COL6A2: variants seen among roughly 807,000 people sequenced by gnomAD.
COL6A2 encodes the protein collagen alpha-2(VI) chain.
Under a neutral mutation model 124.9 loss-of-function variants are expected in COL6A2, and 90 were observed. The ratio of observed to expected loss-of-function variants is 0.72; its 90% CI spans 0.61 to 0.86. COL6A2 has a LOEUF of 0.86. Ranked by LOEUF, COL6A2 falls within the 40% of genes least tolerant of loss-of-function variation. COL6A2 has a pLI of 0.00. For synonymous variants in COL6A2, 793 were observed against 618.2 expected, an observed-to-expected ratio of 1.28 and a Z score of -4.19; for missense variants, 1,607 against 1,502.5, an observed-to-expected ratio of 1.07 and a Z score of -1.15.
In COL6A2 at chr21:46,126,448, G is replaced by A. The variant is rs962739928; in HGVS notation, c.2423-55G>A. On this transcript the variant is annotated intron_variant, in intron 26 of 27. Transcript: ENST00000300527. ...CTAGGCAGATCAGTGAACGGCCGCTGAGGGTTCGCTAGGGACTGACCCTGG... is the reference window on the plus strand; with the variant it reads ...CTAGGCAGATCAGTGAACGGCCGCTAAGGGTTCGCTAGGGACTGACCCTGG... 46 of 1,605,890 alleles carry A rather than the reference G, an allele frequency of 2.9e-5. No homozygotes were observed. In the Admixed American group the frequency reaches 7.5e-4, roughly 26 times the overall value.
At chr21:46,113,291 A>G (rs1266908723) in intron 4 of COL6A2, among the ~76,000 whole-genome samples, 1 of 152,194 alleles carries the variant, frequency 6.6e-6, no homozygotes, top group Non-Finnish European at 1.5e-5. Context: ...ATCGCTGCTC[A>G]GTAACAGTGG....
At position 46,121,255 on chromosome 21, in the gene COL6A2, A is replaced by G. The variant is rs1422928066; in HGVS notation, c.1458+132A>G. 4.4e-6 allele frequency: 4 copies of G among 908,204 alleles called. No individual in the cohort carries two copies. In the African/African-American group the frequency reaches 4.9e-5, roughly 11 times the overall value. 56.3% of individuals were successfully genotyped at this position (908,204 alleles called of 1,614,324 possible). A position where few individuals can be genotyped will look rare whatever the true frequency, so the allele number is the denominator to read the frequency against. ...GCAGCAGAGCCTGGCCTCAGAAGCC[A>G]GGACCTGCTCCCCTAGACCCCGAGT... On this transcript the variant is annotated intron_variant, in intron 17 of 27. Coordinates refer to ENST00000300527, the MANE Select transcript of COL6A2 (RefSeq NM_001849.4).
At chr21:46,099,889 C>CTTTTTTTTTTTTTTTTTTTTT (rs869028897) in intron 1 of COL6A2, among the ~76,000 whole-genome samples, 1 of 91,840 alleles carries the variant, frequency 1.1e-5, no homozygotes, top group Non-Finnish European at 2.1e-5. Flanking sequence ...GCAGCACTGT[C>CTTTTTTTTTTTTTTTTTTTTT]TTTTTTTTTT....
intron 1 of COL6A2, among the ~76,000 whole-genome samples, chr21:46,102,942 G>T (rs1243373860): frequency 6.6e-6 from 1 of 152,172 alleles, no homozygotes; most frequent in African/African-American, 2.4e-5. Flanking sequence ...TCATAAGAAT[G>T]AGTTAAATAG....
intron 17 of COL6A2, 92 bp from the exon 18 acceptor site, chr21:46,121,456 TGTGGCCTG>T (rs2078564776): frequency 1.7e-6 from 2 of 1,153,784 alleles, no homozygotes; most frequent in Non-Finnish European, 1.3e-6. Context: ...GCTGCGGCCA[TGTGGCCTG>T]GTGGTCAGGG....
rs541786092 is a variant in COL6A2, at chr21:46,131,829, G to A, written c.2462-125G>A. 101 of 928,886 alleles carry A rather than the reference G, an allele frequency of 1.1e-4. 1 individual carries two copies. Among genetic ancestry groups the A allele is most frequent in the African/African-American group, 1.8e-4 (11 of 61,436 alleles). 57.5% of individuals were successfully genotyped at this position (928,886 alleles called of 1,614,324 possible). The stretch of plus-strand genomic sequence containing the variant: ...AGGGCTGCCCTGCAGAAACGCCCCC[G>A]CAGAGCCCAGTGGTCTGTGAGGTTG... On this transcript the variant is annotated intron_variant, in intron 27 of 27. Transcript: ENST00000300527.
At chr21:46,120,990 G>A (rs779236662) in intron 16 of COL6A2, 71 bp from the exon 17 acceptor site, 16 of 1,453,124 alleles carry the variant, frequency 1.1e-5, no homozygotes, top group Non-Finnish European at 1.4e-5. Context: ...AGTGTCCACA[G>A]GATTGATACT....
rs528238550 is a variant in COL6A2, at chr21:46,121,407, C to T, written c.1459-149C>T. The T allele has an allele frequency of 8.4e-5, 70 of 828,628 alleles. 2 individuals carry two copies. The South Asian group carries it at 1.0e-3, about 12-fold the overall frequency. 51.3% of individuals were successfully genotyped at this position (828,628 alleles called of 1,614,324 possible). A position where few individuals can be genotyped will look rare whatever the true frequency, so the allele number is the denominator to read the frequency against. On this transcript the variant is annotated intron_variant, in intron 17 of 27. Transcript: ENST00000300527. ...CAGGGAAAGGAGGAGCTGGGACCCT[C>T]AAGACAGAGGTCCACGGCCCCCACA...
rs1004464433 is a variant in COL6A2, at chr21:46,122,132, A to G, written c.1546A>G (p.Ser516Gly). 1 of 1,612,514 alleles carries G rather than the reference A, an allele frequency of 6.2e-7. No individual in the cohort carries two copies. Among genetic ancestry groups the G allele is most frequent in the Non-Finnish European group, 8.5e-7 (1 of 1,179,968 alleles). ...PKGDPGRPGFSYPGPRGAPGE... is the reference protein window; with the variant it reads ...PKGDPGRPGFGYPGPRGAPGE... ...GGGAGACCCCGGCAGGCCTGGATTC[A>G]GCTACCCAGGACCCCGAGGAGCACC... is the stretch of plus-strand genomic sequence containing the variant. The change falls in exon 19 of 28, where the codon AGC becomes GGC. Residue 516 changes from serine (S) to glycine (G), a missense_variant. Around this residue, in one of 3 missense-constraint regions of COL6A2, gnomAD observed 1,223 missense variants for 1,052.2 expected, o/e 1.16. Transcript: ENST00000300527.
chr21:46,124,996 AGGTCAGCTGGCAC>A (rs1242771751), intron 23 of COL6A2, 76 bp downstream of exon 23: 2 of 1,558,668 alleles, frequency 1.3e-6, no homozygotes, highest in East Asian at 2.2e-5. Flanking sequence ...GGGTGGGGGA[AGGTCAGCTGGCAC>A]GGTCAGAGAG....
chr21:46,100,723 G>A (rs1052519432), intron 1 of COL6A2, among the ~76,000 whole-genome samples: 66 of 152,268 alleles, frequency 4.3e-4, no homozygotes, highest in African/African-American at 1.5e-3. Context: ...TGTAACGTAT[G>A]TCAGCATTCC....
At chr21:46,115,963 C>T in intron 6 of COL6A2, 38 bp downstream of exon 6, 1 of 1,611,386 alleles carries the variant, frequency 6.2e-7, no homozygotes, top group East Asian at 2.2e-5. Flanking sequence ...CGCCTGCAGC[C>T]CAGCGCCCCA....
At chr21:46,117,810 C>A in intron 11 of COL6A2, 64 bp from the exon 12 acceptor site, 1 of 1,528,364 alleles carries the variant, frequency 6.5e-7, no homozygotes, top group Non-Finnish European at 8.9e-7. Context: ...AGCACTTGGG[C>A]CCTGGCTCAT....
chr21:46,116,583 C>A lies in COL6A2; in HGVS notation c.928-68C>A. The A allele has an allele frequency of 2.5e-6, 4 of 1,608,978 alleles. No individual in the cohort carries two copies. Among genetic ancestry groups the A allele is most frequent in the African/African-American group, 1.3e-5 (1 of 74,992 alleles). ...GAGTTTGGCCCAAGGGCTTTGCCCCCCAGAGGCAGCAGTGCCCATGATGCT... is the reference window on the plus strand; with the variant it reads ...GAGTTTGGCCCAAGGGCTTTGCCCCACAGAGGCAGCAGTGCCCATGATGCT... On this transcript the variant is annotated intron_variant, in intron 8 of 27. Coordinates refer to ENST00000300527, the MANE Select transcript of COL6A2 (RefSeq NM_001849.4). This position sits in a 1 kb window ranked among gnomAD's most constrained non-coding sequence, Gnocchi z 4.6.
intron 23 of COL6A2, 35 bp from the exon 24 acceptor site, chr21:46,125,231 C>A (rs776790964): frequency 6.2e-7 from 1 of 1,604,874 alleles, no homozygotes; most frequent in Non-Finnish European, 8.5e-7. Context: ...TCTGGGGCCC[C>A]GGGGGGACTA....
chr21:46,113,145 G>T (rs534657103), intron 4 of COL6A2, among the ~76,000 whole-genome samples: 6 of 152,250 alleles, frequency 3.9e-5, no homozygotes, highest in African/African-American at 1.4e-4. Context: ...GCAGGTCAGG[G>T]GAGAAGGAAC....
chr21:46,105,923 A>G (rs553932459), intron 1 of COL6A2, among the ~76,000 whole-genome samples: 1 of 152,350 alleles, frequency 6.6e-6, no homozygotes. Flanking sequence ...TCTCTCTGTT[A>G]AAAGACAGAG....
intron 27 of COL6A2, chr21:46,129,357 G>A (rs1195405809): frequency 6.2e-7 from 1 of 1,612,928 alleles, no homozygotes. Context: ...GGCCGTGCTG[G>A]TCTACACCGC....
chr21:46,127,519 C>A (rs2078691091), intron 27 of COL6A2, among the ~76,000 whole-genome samples: 1 of 152,086 alleles, frequency 6.6e-6, no homozygotes, highest in African/African-American at 2.4e-5. Flanking sequence ...AGCCTCTGGC[C>A]CCACAACAGT....
Sources: gnomAD v4.1 joint callset for allele counts (sites outside exome capture counted in the v4.1 genomes callset) on GRCh38, gnomAD v4.1.1 for gene constraint, gnomAD v4.1.1 regional missense constraint, Gnocchi (gnomAD v3.1) non-coding constraint, MANE v1.5 for transcripts, NCBI Gene and HGNC (gene_info 2026-07-23, HGNC 2026-07-21) for gene names.